RBM7: variants seen among roughly 807,000 people sequenced by gnomAD.
RBM7 encodes RNA binding motif protein 7.
In RBM7, 13 loss-of-function variants were observed where a neutral mutation model predicts 31.0. That is an observed-to-expected ratio of 0.42 (90% CI 0.27 to 0.67). The LOEUF is 0.67. Among genes scored for constraint, RBM7 ranks in the 30% least tolerant of loss-of-function variants. RBM7 has a pLI of 0.24. For missense variants in RBM7, 245 were observed against 326.2 expected, an observed-to-expected ratio of 0.75 and a Z score of 1.92; for synonymous variants, 106 against 111.2, an observed-to-expected ratio of 0.95 and a Z score of 0.30.
At chr11:114,404,137 T>A (rs191271110) in intron 3 of RBM7, among the ~76,000 whole-genome samples, 2 of 152,254 alleles carry the variant, frequency 1.3e-5, no homozygotes. Flanking sequence ...ATGTTTTAGG[T>A]AGGGTACTGA....
At chr11:114,401,007 T>C (rs1156932006) in intron 1 of RBM7, among the ~76,000 whole-genome samples, 1 of 152,120 alleles carries the variant, frequency 6.6e-6, no homozygotes, top group Admixed American at 6.6e-5. Context: ...AGGTTTCCCG[T>C]GGTAGAGATC....
At chr11:114,405,988 T>A in intron 4 of RBM7, 189 bp downstream of exon 4, 1 of 512,518 alleles carries the variant, frequency 2.0e-6, no homozygotes, top group Non-Finnish European at 3.4e-6. Flanking sequence ...TAGCATGATT[T>A]GTAGATTGAG....
chr11:114,402,987 G>A (rs1344441815), intron 3 of RBM7, 72 bp downstream of exon 3: 5 of 1,205,566 alleles, frequency 4.1e-6, no homozygotes, highest in Middle Eastern at 4.1e-4. Context: ...AAACACATGA[G>A]TAAATAGTCT....
intron 2 of RBM7, 109 bp downstream of exon 2, chr11:114,401,969 G>C (rs1946208407): frequency 1.3e-5 from 15 of 1,175,556 alleles, no homozygotes; most frequent in Admixed American, 3.1e-5. Context: ...CTTAAGCATT[G>C]TGAATAGTAA....
At chr11:114,402,593 T>TG (rs1379230514) in intron 2 of RBM7, among the ~76,000 whole-genome samples, 3 of 151,452 alleles carry the variant, frequency 2.0e-5, no homozygotes, top group Non-Finnish European at 2.9e-5. Flanking sequence ...TTAGTAGAGG[T>TG]GGGGTTTCAC....
At position 114,409,136 on chromosome 11, in the gene RBM7, G is replaced by A. The variant is rs1423391357; in HGVS notation, c.*1329G>A. 1 of 151,922 alleles carries A rather than the reference G, an allele frequency of 6.6e-6. No homozygotes were observed. Among genetic ancestry groups the A allele is most frequent in the African/African-American group, 2.4e-5 (1 of 41,360 alleles). 9.4% of individuals were successfully genotyped at this position (151,922 alleles called of 1,614,324 possible). ...TTGGAGTACTTTAGTTACCCTCAGT[G>A]GTCTCTAGGAGTTAAAGTACACTTA... On this transcript the variant is annotated 3_prime_UTR_variant, in exon 5 of 5. Coordinates refer to ENST00000375490, the MANE Select transcript of RBM7 (RefSeq NM_001286045.2).
At chr11:114,406,193 C>T (rs905986617) in intron 4 of RBM7, 2 of 153,556 alleles carry the variant, frequency 1.3e-5, no homozygotes, top group African/African-American at 2.4e-5. Context: ...TTAACCTTTT[C>T]TTTTTTTGGT....
intron 4 of RBM7, chr11:114,406,755 G>A (rs1946270274): frequency 6.6e-6 from 1 of 152,234 alleles, no homozygotes; most frequent in Admixed American, 6.5e-5. Flanking sequence ...CTGAAGGCCG[G>A]GTGCGGTGGC....
rs143550249 is a variant in RBM7, at chr11:114,400,700, G to T, written c.29G>T (p.Arg10Leu). The T allele has an allele frequency of 6.2e-7, 1 of 1,614,068 alleles. No individual in the cohort carries two copies. Among genetic ancestry groups the T allele is most frequent in the African/African-American group, 1.3e-5 (1 of 74,934 alleles). MGAAAAEAD[R>L]TLFVGNLETK... is the part of the protein sequence containing the mutation. ...GGGGCGGCGGCGGCGGAAGCGGATC[G>T]CACTCTCTTTGTGGGCAACCTTGAA... Residue 10 changes from arginine to leucine, a missense_variant, in exon 1 of 5, where the codon CGC (arginine) becomes CTC (leucine). Transcript: ENST00000375490.
At chr11:114,400,818 G>T (rs1946188809) in intron 1 of RBM7, 51 bp downstream of exon 1, 1 of 1,602,090 alleles carries the variant, frequency 6.2e-7, no homozygotes, top group Non-Finnish European at 8.5e-7. Context: ...CTCGCCTAGG[G>T]CCTGGCCAGC....
rs1333690055 is a variant in RBM7 at position 114,401,558 on chromosome 11, T to C, written c.97-140T>C. 6 of 711,812 alleles carry C rather than the reference T, an allele frequency of 8.4e-6. No individual in the cohort carries two copies. In the South Asian group the frequency reaches 1.5e-4, roughly 17 times the overall value. 44.1% of individuals were successfully genotyped at this position (711,812 alleles called of 1,614,324 possible). ...ACTAGGATGTTTACTGTAGCCAAAA[T>C]GGAAATCCGTGCATCATTTTCAAAA... is the stretch of plus-strand genomic sequence containing the variant. On this transcript the variant is annotated intron_variant, in intron 1 of 4. Transcript: ENST00000375490.
intron 3 of RBM7, among the ~76,000 whole-genome samples, chr11:114,404,786 G>A (rs1224743477): frequency 6.6e-6 from 1 of 151,906 alleles, no homozygotes; most frequent in African/African-American, 2.4e-5. Context: ...GCCCCCCTCA[G>A]CATACAGATA....
rs573290976 is a variant in RBM7 at position 114,402,976 on chromosome 11, A to T, written c.347+61A>T. The stretch of plus-strand genomic sequence containing the variant: ...AGGAATTCTTATAGGGAATAGCCTC[A>T]AAACACATGAGTAAATAGTCTCCTT... On this transcript the variant is annotated intron_variant, in intron 3 of 4. Coordinates refer to ENST00000375490, the MANE Select transcript of RBM7 (RefSeq NM_001286045.2). 52 of 1,300,360 alleles carry T rather than the reference A, an allele frequency of 4.0e-5. No homozygotes were observed. The African/African-American group carries it at 6.1e-4, about 15-fold the overall frequency. The allele number at this position is 1,300,360 out of a possible 1,614,324, so 80.6% of individuals were successfully genotyped here.
intron 4 of RBM7, 43 bp from the exon 5 acceptor site, chr11:114,407,402 G>T: frequency 6.4e-7 from 1 of 1,552,372 alleles, no homozygotes; most frequent in Non-Finnish European, 8.7e-7. Context: ...TATTAGCTTT[G>T]ATATCTAGAA....
rs1272215427 is a variant in RBM7, at chr11:114,408,541, G to C, written c.*734G>C. 1 of 152,704 alleles carries C rather than the reference G, an allele frequency of 6.5e-6. No homozygotes were observed. The highest frequency in any genetic ancestry group is 2.1e-4 in the South Asian group (1 of 4,828). The allele number at this position is 152,704 out of a possible 1,614,324, so 9.5% of individuals were successfully genotyped here. On this transcript the variant is annotated 3_prime_UTR_variant, in exon 5 of 5. Transcript: ENST00000375490. Reference sequence around the variant, plus strand: ...GAACAAAAATGTCAGTGCATAGTTAGATAAAATGGTAAAATGTTTTACTGA... The same window carrying C: ...GAACAAAAATGTCAGTGCATAGTTACATAAAATGGTAAAATGTTTTACTGA...
At position 114,405,789 on chromosome 11, in the gene RBM7, G is replaced by A; in HGVS notation, c.431G>A (p.Arg144Lys). 6.3e-7 allele frequency: 1 copy of A among 1,592,324 alleles called. No individual in the cohort carries two copies. The highest frequency in any genetic ancestry group is 8.6e-7 in the Non-Finnish European group (1 of 1,164,468). The part of the protein sequence containing the change: ...RSFSSPENFQ[R>K]QAVMNSALRQ... The stretch of plus-strand genomic sequence containing the variant: ...TTCTCTTCTCCAGAAAATTTTCAGA[G>A]ACAAGCAGTGGTAGGTTGACTATTT... Residue 144 changes from arginine (R) to lysine (K), a missense_variant, in exon 4 of 5, where the codon AGA becomes AAA. Physicochemically the swap from Arg to Lys is conservative, Grantham distance 26. Transcript: ENST00000375490.
At chr11:114,404,657 A>G (rs1159365882) in intron 3 of RBM7, among the ~76,000 whole-genome samples, 2 of 151,504 alleles carry the variant, frequency 1.3e-5, no homozygotes, top group East Asian at 1.9e-4. Context: ...AGGCAACATA[A>G]CAAGGCACTC....
rs528528235 is a variant in RBM7, at chr11:114,405,710, T to C, written c.352T>C (p.Tyr118His). 6.3e-7 allele frequency: 1 copy of C among 1,576,780 alleles called. No homozygotes were observed. Among genetic ancestry groups the C allele is most frequent in the African/African-American group, 1.4e-5 (1 of 72,768 alleles). Residue 118 changes from tyrosine (Y) to histidine (H), a missense_variant, in exon 4 of 5, where the codon TAC (tyrosine) becomes CAC (histidine). Transcript: ENST00000375490. Reference protein sequence around the residue: ...SPTSTSPSSRYERTMDNMTSS... With the variant: ...SPTSTSPSSRHERTMDNMTSS... The stretch of plus-strand genomic sequence containing the variant: ...ACATGTTGGTTTTCTTTTTAGCAGG[T>C]ACGAAAGGACTATGGATAACATGAC...
In RBM7 at chr11:114,407,751, TATG is replaced by T. The variant is rs1258888537; in HGVS notation, c.751_753del (p.Asp251del). 2.5e-6 allele frequency: 4 copies of T among 1,613,558 alleles called. No homozygotes were observed. The East Asian group carries it at 6.7e-5, about 27-fold the overall frequency. On this transcript the variant is annotated inframe_deletion, in exon 5 of 5. Transcript: ENST00000375490. The stretch of plus-strand genomic sequence containing the variant: ...GAATCATGATGACTGGAGCCATGAC[TATG>T]ATAACAGAAGAGACAGTAGTAGAGA...
Sources: allele counts gnomAD v4.1 joint callset (sites outside exome capture counted in the v4.1 genomes callset), GRCh38; gene constraint gnomAD v4.1.1; transcripts MANE v1.5; gene names NCBI Gene and HGNC (gene_info 2026-07-23, HGNC 2026-07-21).